ADGRL3: variants seen among roughly 807,000 people sequenced by gnomAD.
The protein encoded by ADGRL3 is adhesion G protein-coupled receptor L3, also known as calcium-independent alpha-latrotoxin receptor 3.
In ADGRL3, 62 loss-of-function variants were observed where a neutral mutation model predicts 153.5. The observed-to-expected ratio is 0.40, with a 90% CI of 0.33 to 0.50. ADGRL3 has a LOEUF of 0.50. Among genes scored for constraint, ADGRL3 ranks in the 20% least tolerant of loss-of-function variants. The pLI is 0.47. For synonymous variants in ADGRL3, 710 were observed against 672.5 expected, an observed-to-expected ratio of 1.06 and a Z score of -0.86; for missense variants, 1,641 against 1,859.4, an observed-to-expected ratio of 0.88 and a Z score of 2.16.
chr4:61,770,712 T>C (rs1324212444), intron 8 of ADGRL3, among the ~76,000 whole-genome samples: 1 of 152,178 alleles, frequency 6.6e-6, no homozygotes, highest in Non-Finnish European at 1.5e-5. Flanking sequence ...TTCAGAAAAC[T>C]GTGTTGCAGC....
At chr4:61,822,596 T>C (rs2097765867) in intron 9 of ADGRL3, among the ~76,000 whole-genome samples, 1 of 152,210 alleles carries the variant, frequency 6.6e-6, no homozygotes, top group Non-Finnish European at 1.5e-5. Context: ...TGTAACATAC[T>C]TTCCAATTAT....
chr4:61,369,114 T>C (rs1179822331), intron 1 of ADGRL3, among the ~76,000 whole-genome samples: 20 of 152,310 alleles, frequency 1.3e-4, no homozygotes, highest in Middle Eastern at 6.8e-3. Context: ...GCTTATCAGC[T>C]TAAGGAGATT....
At chr4:61,631,087 G>A (rs1263074838) in intron 5 of ADGRL3, among the ~76,000 whole-genome samples, 1 of 152,072 alleles carries the variant, frequency 6.6e-6, no homozygotes, top group African/African-American at 2.4e-5. Flanking sequence ...ACCTTTCACT[G>A]TTCCTTCTCT....
intron 5 of ADGRL3, among the ~76,000 whole-genome samples, chr4:61,591,260 A>G (rs958859309): frequency 6.6e-5 from 10 of 152,152 alleles, no homozygotes; most frequent in Admixed American, 6.6e-4. Context: ...ATTTGTATAT[A>G]CTATATAATT....
At chr4:61,686,433 A>T (rs7690472) in intron 6 of ADGRL3, among the ~76,000 whole-genome samples, 1 of 151,796 alleles carries the variant, frequency 6.6e-6, no homozygotes, top group Non-Finnish European at 1.5e-5. Context: ...CATGAATCTT[A>T]TGAAACTAAA....
In ADGRL3 at chr4:61,949,271, G is replaced by C. The variant is rs578135247; in HGVS notation, c.2805+995G>C. 2.6e-4 allele frequency among the ~76,000 whole-genome samples: 39 copies of C among 152,244 alleles called. No individual in the cohort carries two copies. In the South Asian group the frequency reaches 3.1e-3, roughly 12 times the overall value. On this transcript the variant is annotated intron_variant, in intron 17 of 26. Transcript: ENST00000683033. ...AACCAATTGTTATATTTGGAAGAAG[G>C]CTATTAATAAATTATATACATTATG...
chr4:61,394,170 A>G (rs1472368762), intron 2 of ADGRL3, among the ~76,000 whole-genome samples: 3 of 152,058 alleles, frequency 2.0e-5, no homozygotes, highest in East Asian at 1.9e-4. Context: ...GAGAGAATAT[A>G]ATTTTCCTGA....
chr4:61,750,497 T>C (rs909453189), intron 8 of ADGRL3, among the ~76,000 whole-genome samples: 7 of 152,086 alleles, frequency 4.6e-5, no homozygotes, highest in African/African-American at 1.7e-4. Context: ...GGACATATAT[T>C]AGAACTGAAG....
chr4:61,548,698 A>T (rs1239589722), intron 4 of ADGRL3, among the ~76,000 whole-genome samples: 1 of 151,970 alleles, frequency 6.6e-6, no homozygotes, highest in Non-Finnish European at 1.5e-5. Context: ...ATAGTTTGAA[A>T]TCAGGTAATG....
chr4:61,229,399 C>G (rs1377891755), intron 1 of ADGRL3, among the ~76,000 whole-genome samples: 1 of 152,118 alleles, frequency 6.6e-6, no homozygotes, highest in Non-Finnish European at 1.5e-5. Context: ...GTAGCCCTAT[C>G]TGGACATTAT....
chr4:61,225,390 A>T (rs1439006156), intron 1 of ADGRL3, among the ~76,000 whole-genome samples: 1 of 152,170 alleles, frequency 6.6e-6, no homozygotes, highest in African/African-American at 2.4e-5. Context: ...TCAGTTTTAT[A>T]TAGCTGTTGT....
chr4:61,776,429 AT>A (rs1217620864), intron 8 of ADGRL3, among the ~76,000 whole-genome samples: 1 of 152,208 alleles, frequency 6.6e-6, no homozygotes, highest in East Asian at 1.9e-4. Context: ...TCAGGACAGA[AT>A]TCACATAAGA....
intron 8 of ADGRL3, among the ~76,000 whole-genome samples, chr4:61,797,618 A>G (rs1380290911): frequency 6.6e-6 from 1 of 152,168 alleles, no homozygotes; most frequent in Non-Finnish European, 1.5e-5. Context: ...CCTCATTTTC[A>G]TGTTACCTTT....
chr4:61,237,296 C>A (rs1267733432), intron 1 of ADGRL3, among the ~76,000 whole-genome samples: 2 of 152,086 alleles, frequency 1.3e-5, no homozygotes, highest in African/African-American at 4.8e-5. Flanking sequence ...CATATTTTAT[C>A]CATACATAAG....
intron 4 of ADGRL3, among the ~76,000 whole-genome samples, chr4:61,576,501 A>G (rs2098884017): frequency 6.6e-6 from 1 of 150,552 alleles, no homozygotes; most frequent in African/African-American, 2.4e-5. Flanking sequence ...TCATAGGTTT[A>G]GAGACTTGGT....
At chr4:61,919,889 C>T (rs532535084) in intron 13 of ADGRL3, among the ~76,000 whole-genome samples, 25 of 152,244 alleles carry the variant, frequency 1.6e-4, no homozygotes, top group Non-Finnish European at 2.4e-4. Context: ...AACAAATGTT[C>T]CAGCTGCTGT....
At chr4:61,786,447 A>G (rs2097276281) in intron 8 of ADGRL3, among the ~76,000 whole-genome samples, 2 of 152,232 alleles carry the variant, frequency 1.3e-5, no homozygotes, top group Non-Finnish European at 2.9e-5. Flanking sequence ...AAGAAACCAG[A>G]TGGAGAAAGA....
intron 21 of ADGRL3, among the ~76,000 whole-genome samples, chr4:62,025,562 G>A (rs921046064): frequency 1.3e-4 from 20 of 152,054 alleles, no homozygotes; most frequent in Admixed American, 7.9e-4. Context: ...TCGAATATGG[G>A]TAACTGAATC....
chr4:61,753,217 C>A, intron 8 of ADGRL3, among the ~76,000 whole-genome samples: 1 of 138,426 alleles, frequency 7.2e-6, no homozygotes, highest in African/African-American at 2.7e-5. Flanking sequence ...TTTAGTAAGG[C>A]ACATTTCTGT....
Sources: allele counts gnomAD v4.1 joint callset (sites outside exome capture counted in the v4.1 genomes callset), GRCh38; gene constraint gnomAD v4.1.1; transcripts MANE v1.5; gene names NCBI Gene and HGNC (gene_info 2026-07-23, HGNC 2026-07-21).